PCDH19: variants seen among roughly 807,000 people sequenced by gnomAD.
PCDH19 encodes the protein protocadherin 19.
A neutral mutation model predicts 46.2 loss-of-function variants in PCDH19; 6 were observed. That is an observed-to-expected ratio of 0.13 (90% confidence interval 0.07 to 0.26). PCDH19 has a LOEUF of 0.26. PCDH19 is among the 10% of genes least tolerant of loss of function. PCDH19 has a pLI of 1.00. For missense variants in PCDH19, 740 were observed against 972.3 expected, an observed-to-expected ratio of 0.76 and a Z score of 3.18; for synonymous variants, 481 against 415.7, an observed-to-expected ratio of 1.16 and a Z score of -1.91.
intron 5 of PCDH19, among the ~76,000 whole-genome samples, chrX:100,322,863 A>ATTTT (rs1358059816): frequency 0.024 from 954 of 40,022 alleles, 16 homozygotes; most frequent in Non-Finnish European, 0.042. Flanking sequence ...ATATATATAT[A>ATTTT]TATTTTTGCA....
intron 3 of PCDH19, among the ~76,000 whole-genome samples, chrX:100,372,438 A>T (rs755677507): frequency 8.9e-6 from 1 of 111,990 alleles, no homozygotes; most frequent in South Asian, 3.8e-4. Flanking sequence ...TAACAGGGCA[A>T]CTGAAAGTAA....
At chrX:100,398,551 G>A (rs965075724) in intron 3 of PCDH19, among the ~76,000 whole-genome samples, 4 of 112,007 alleles carry the variant, frequency 3.6e-5, no homozygotes, top group Admixed American at 9.5e-5. Flanking sequence ...TCTACAAAGC[G>A]ACAGGTGATC....
intron 5 of PCDH19, among the ~76,000 whole-genome samples, chrX:100,325,166 T>TAGAC (rs756891351): frequency 2.1e-3 from 116 of 55,375 alleles, no homozygotes; most frequent in South Asian, 0.017. Flanking sequence ...GATAGATAGA[T>TAGAC]AGACAGATAG....
At chrX:100,310,228 G>C (rs905617284) in intron 5 of PCDH19, among the ~76,000 whole-genome samples, 3 of 111,353 alleles carry the variant, frequency 2.7e-5, no homozygotes, top group Admixed American at 9.5e-5. Flanking sequence ...TACAATCCAA[G>C]TTGTAATTTG....
At chrX:100,333,781 TC>T (rs776466905) in intron 5 of PCDH19, among the ~76,000 whole-genome samples, 53 of 98,381 alleles carry the variant, frequency 5.4e-4, no homozygotes, top group African/African-American at 2.1e-3. Context: ...TTTGTTTTTT[TC>T]CTCTTCATTT....
chrX:100,401,169 T>A (rs1404614643), intron 3 of PCDH19, among the ~76,000 whole-genome samples: 1 of 111,787 alleles, frequency 8.9e-6, no homozygotes, highest in Non-Finnish European at 1.9e-5. Flanking sequence ...AGAGGACATA[T>A]GCCTCCCAGT....
At position 100,292,713 on chromosome X, in the gene PCDH19, GA is replaced by G. The variant is rs1423221699; in HGVS notation, c.*3563del. 2.7e-5 allele frequency: 3 copies of G among 111,995 alleles called. No homozygotes were observed. Among genetic ancestry groups the G allele is most frequent in the African/African-American group, 9.8e-5 (3 of 30,746 alleles). The allele number at this position is 111,995 out of a possible 1,213,427, so 9.2% of individuals were successfully genotyped here. A position where few individuals can be genotyped will look rare whatever the true frequency, so the allele number is the denominator to read the frequency against. On this transcript the variant is annotated 3_prime_UTR_variant, in exon 6 of 6. Coordinates refer to ENST00000373034, the MANE Select transcript of PCDH19 (RefSeq NM_001184880.2). ...TGTCAGCAGATACAATTTGACTCAT[GA>G]AATGACATCCTTAAATGTAATTTTA...
intron 3 of PCDH19, among the ~76,000 whole-genome samples, chrX:100,362,333 G>T (rs896034340): frequency 3.6e-5 from 4 of 111,271 alleles, no homozygotes; most frequent in Non-Finnish European, 7.5e-5. Flanking sequence ...ACTTTTATCG[G>T]GGCTAAACCA....
At chrX:100,321,781 CTT>C (rs1231191259) in intron 5 of PCDH19, among the ~76,000 whole-genome samples, 17 of 43,605 alleles carry the variant, frequency 3.9e-4, no homozygotes, top group African/African-American at 1.1e-3. Context: ...CCCACCTATT[CTT>C]TTTTTTTTTT....
At position 100,406,685 on chromosome X, in the gene PCDH19, T is replaced by C. The variant is rs1928359055; in HGVS notation, c.1913A>G (p.Tyr638Cys). Residue 638 changes from tyrosine (Y) to cysteine (C), a missense_variant, in exon 1 of 6, where the codon TAT (tyrosine) becomes TGT (cysteine). Around this residue, in one of 5 missense-constraint regions of PCDH19, gnomAD observed 416 missense variants for 476.8 expected, o/e 0.87. Transcript: ENST00000373034. Reference sequence around the variant, plus strand: ...GTCGTGAGCCACCACGATAAGCTCATAGGAGGACTTGGAGCTCTCCCCGAA... The same window carrying C: ...GTCGTGAGCCACCACGATAAGCTCACAGGAGGACTTGGAGCTCTCCCCGAA... ...RTFGESSKSSYELIVVAHDHG... is the reference protein window; with the variant it reads ...RTFGESSKSSCELIVVAHDHG... 2.5e-6 allele frequency: 3 copies of C among 1,209,326 alleles called. No individual in the cohort carries two copies. Among genetic ancestry groups the C allele is most frequent in the East Asian group, 3.0e-5 (1 of 33,745 alleles).
Position 100,346,441 on chromosome X carries a change from C to A in PCDH19, c.2675+4205G>T, listed in dbSNP as rs189019413. On this transcript the variant is annotated intron_variant, in intron 4 of 5. Transcript: ENST00000373034. The stretch of plus-strand genomic sequence containing the variant: ...TTCTGGACCACCTGTATCACAATCA[C>A]CTTGGGAACCTGTTACAACTGGAGG... 5.4e-3 allele frequency among the ~76,000 whole-genome samples: 606 copies of A among 111,769 alleles called. 3 individuals carry two copies. Among genetic ancestry groups the A allele is most frequent in the African/African-American group, 0.018 (568 of 30,771 alleles).
intron 3 of PCDH19, among the ~76,000 whole-genome samples, chrX:100,402,309 C>G (rs1039766102): frequency 1.8e-5 from 2 of 112,328 alleles, no homozygotes; most frequent in African/African-American, 6.5e-5. Flanking sequence ...GTTACCAATT[C>G]CAATACCCAT....
chrX:100,319,102 C>T (rs573122310), intron 5 of PCDH19, among the ~76,000 whole-genome samples: 2 of 111,420 alleles, frequency 1.8e-5, no homozygotes, highest in African/African-American at 3.3e-5. Context: ...TTGAATGAGG[C>T]GTTTGGGGTG....
chrX:100,348,807 C>A (rs1226860928), intron 4 of PCDH19, among the ~76,000 whole-genome samples: 2 of 111,941 alleles, frequency 1.8e-5, no homozygotes, highest in Non-Finnish European at 3.8e-5. Flanking sequence ...TATCAGTCTA[C>A]CTTGTAAATT....
rs1267610753 is a variant in PCDH19, at chrX:100,408,800, G to A, written c.-203C>T. ...CTCCAATGCTGAGGTTGCGGCGGAC[G>A]CGGCGGGGGCTCGCGGGGGCCCCGG... On this transcript the variant is annotated 5_prime_UTR_variant, in exon 1 of 6. Coordinates refer to ENST00000373034, the MANE Select transcript of PCDH19 (RefSeq NM_001184880.2). 3.3e-5 allele frequency: 5 copies of A among 149,813 alleles called. No homozygotes were observed. In the East Asian group the frequency reaches 9.1e-4, roughly 27 times the overall value. The allele number at this position is 149,813 out of a possible 1,213,427, so 12.3% of individuals were successfully genotyped here. A position where few individuals can be genotyped will look rare whatever the true frequency, so the allele number is the denominator to read the frequency against.
At chrX:100,326,358 A>T (rs960058904) in intron 5 of PCDH19, among the ~76,000 whole-genome samples, 1 of 112,540 alleles carries the variant, frequency 8.9e-6, no homozygotes, top group Non-Finnish European at 1.9e-5. Context: ...GTTAGAAAAA[A>T]AGAATAGAAG....
chrX:100,377,941 G>A (rs145744103), intron 3 of PCDH19, among the ~76,000 whole-genome samples: 7 of 112,389 alleles, frequency 6.2e-5, no homozygotes, highest in Non-Finnish European at 7.5e-5. Context: ...GGGAATAAGC[G>A]TTGGTGATTA....
rs1217911543 is a variant in PCDH19 at position 100,375,917 on chromosome X, C to T, written c.2617-25213G>A. Among the ~76,000 whole-genome samples the T allele has an allele frequency of 2.7e-5, 3 of 111,924 alleles. No homozygotes were observed. The East Asian group carries it at 8.4e-4, about 31-fold the overall frequency. ...TCACTTTTCCATACTAATAAAGTCT[C>T]TTTATGCTACACAATTAGGTTAGAA... On this transcript the variant is annotated intron_variant, in intron 3 of 5. Transcript: ENST00000373034.
chrX:100,302,109 G>T (rs1204957558), intron 5 of PCDH19, among the ~76,000 whole-genome samples: 1 of 111,625 alleles, frequency 9.0e-6, no homozygotes, highest in Middle Eastern at 4.6e-3. Context: ...CTACCATGAG[G>T]CAACCCTGAA....
Sources: gnomAD v4.1 joint callset for allele counts (sites outside exome capture counted in the v4.1 genomes callset) on GRCh38, gnomAD v4.1.1 for gene constraint, gnomAD v4.1.1 regional missense constraint, MANE v1.5 for transcripts, NCBI Gene and HGNC (gene_info 2026-07-23, HGNC 2026-07-21) for gene names.